The following NME5 variants were observed in gnomAD, a reference collection of about 807,000 sequenced individuals.
NME5 encodes the protein nucleoside diphosphate kinase 5.
NME5 carries 18 observed loss-of-function variants against 21.6 expected under a neutral mutation model. The ratio of observed to expected loss-of-function variants is 0.83; its 90% CI spans 0.58 to 1.24. The LOEUF is 1.24. Among genes scored for constraint, NME5 ranks in the 50% most tolerant of loss-of-function variants. The probability of loss-of-function intolerance (pLI) is 0.00; values close to 1 mark genes in which losing one functional copy is unlikely to be tolerated. For synonymous variants in NME5, 70 were observed against 80.6 expected, an observed-to-expected ratio of 0.87 and a Z score of 0.71; for missense variants, 223 against 255.4, an observed-to-expected ratio of 0.87 and a Z score of 0.86.
chr5:138,138,981 T>A (rs574252904), intron 1 of NME5, 196 bp from the exon 2 acceptor site: 10 of 479,866 alleles, frequency 2.1e-5, no homozygotes, highest in Admixed American at 8.3e-5. Context: ...ATTCCTACTA[T>A]GTCCAAATCG....
intron 4 of NME5, 45 bp from the exon 5 acceptor site, chr5:138,118,981 A>G: frequency 9.4e-7 from 1 of 1,060,624 alleles, no homozygotes; most frequent in Non-Finnish European, 1.4e-6. Flanking sequence ...ATAATGATTA[A>G]ATACTATACA....
intron 1 of NME5, 103 bp from the exon 2 acceptor site, chr5:138,138,888 T>A: frequency 9.7e-7 from 1 of 1,034,710 alleles, no homozygotes; most frequent in Non-Finnish European, 1.4e-6. Context: ...TGATTAAGAA[T>A]AGCAATAGTA....
chr5:138,120,398 G>A (rs1277445972), intron 4 of NME5, among the ~76,000 whole-genome samples: 2 of 151,796 alleles, frequency 1.3e-5, no homozygotes, highest in Non-Finnish European at 2.9e-5. Context: ...TAATTAGTCC[G>A]GCTAATTTTT....
intron 4 of NME5, 147 bp from the exon 5 acceptor site, chr5:138,119,083 G>A: frequency 3.7e-6 from 2 of 534,336 alleles, no homozygotes; most frequent in Non-Finnish European, 6.6e-6. Flanking sequence ...GGGCTGGAGT[G>A]CAATGATGCA....
At chr5:138,120,875 G>GT (rs1342827648) in intron 4 of NME5, among the ~76,000 whole-genome samples, 2 of 152,108 alleles carry the variant, frequency 1.3e-5, no homozygotes, top group African/African-American at 4.8e-5. Flanking sequence ...GAAAGTATCA[G>GT]TAAGTCAAAA....
chr5:138,121,691 G>A (rs1428854036), intron 4 of NME5, among the ~76,000 whole-genome samples: 2 of 152,044 alleles, frequency 1.3e-5, no homozygotes, highest in African/African-American at 4.8e-5. Context: ...TCTTATAATT[G>A]TGGCTTTGCA....
chr5:138,139,208 C>T (rs1325469166), intron 1 of NME5, 163 bp downstream of exon 1: 2 of 235,802 alleles, frequency 8.5e-6, no homozygotes, highest in African/African-American at 2.3e-5. Context: ...ATTACAGCGG[C>T]GGGTGAGCGG....
At chr5:138,117,683 CA>C (rs199531005) in intron 5 of NME5, among the ~76,000 whole-genome samples, 6 of 150,574 alleles carry the variant, frequency 4.0e-5, no homozygotes, top group Non-Finnish European at 8.9e-5. Flanking sequence ...AGCATGGCTA[CA>C]AAAAAAAAGA....
At chr5:138,131,216 A>C (rs1028222957) in intron 2 of NME5, among the ~76,000 whole-genome samples, 1 of 150,386 alleles carries the variant, frequency 6.6e-6, no homozygotes, top group Non-Finnish European at 1.5e-5. Flanking sequence ...AAAAAAAAAA[A>C]AAAAAAAAAA....
chr5:138,136,550 C>T (rs1751701150), intron 2 of NME5, among the ~76,000 whole-genome samples: 1 of 151,984 alleles, frequency 6.6e-6, no homozygotes, highest in African/African-American at 2.4e-5. Context: ...CTATGAGTTG[C>T]AAATCTTTTT....
rs1218950573 is a variant in NME5, at chr5:138,138,764, G to A, written c.17C>T (p.Pro6Leu). The change falls in exon 2 of 6, where the codon CCT (proline) becomes CTT (leucine). Residue 6 changes from proline (P) to leucine (L), a missense_variant. Coordinates refer to ENST00000265191, the MANE Select transcript of NME5 (RefSeq NM_003551.3). MEISMPPPQIYVEKTL... is the reference protein window; with the variant it reads MEISMLPPQIYVEKTL... ...TTTTTCTACATATATCTGAGGTGGA[G>A]GCATTGATATCTCCATTATGGCTTT... The A allele has an allele frequency of 1.2e-6, 2 of 1,610,520 alleles. No homozygotes were observed. Among genetic ancestry groups the A allele is most frequent in the Non-Finnish European group, 1.7e-6 (2 of 1,179,126 alleles).
intron 4 of NME5, chr5:138,127,820 G>C (rs1023416599): frequency 2.9e-6 from 1 of 347,282 alleles, no homozygotes; most frequent in Non-Finnish European, 4.1e-6. Flanking sequence ...TTCCTAGAGA[G>C]ACTATTTTTC....
intron 2 of NME5, chr5:138,138,446 A>G: frequency 2.2e-6 from 1 of 452,936 alleles, no homozygotes; most frequent in Non-Finnish European, 3.9e-6. Context: ...ACTTGGGGTA[A>G]AAGAGGACAG....
intron 2 of NME5, among the ~76,000 whole-genome samples, chr5:138,136,432 A>C (rs1159633160): frequency 6.6e-6 from 1 of 152,184 alleles, no homozygotes; most frequent in Admixed American, 6.5e-5. Context: ...TATTTAAAAA[A>C]TGTTTTTCCT....
chr5:138,132,719 G>A (rs1229707476), intron 2 of NME5, among the ~76,000 whole-genome samples: 2 of 152,158 alleles, frequency 1.3e-5, no homozygotes, highest in Admixed American at 6.6e-5. Flanking sequence ...TTAGGAACAC[G>A]CTTACCTAGG....
At chr5:138,131,553 TAA>T (rs1212578056) in intron 2 of NME5, among the ~76,000 whole-genome samples, 2 of 139,970 alleles carry the variant, frequency 1.4e-5, no homozygotes, top group African/African-American at 2.6e-5. Context: ...AGACTCTGTC[TAA>T]AAAAAAAAAA....
intron 2 of NME5, among the ~76,000 whole-genome samples, chr5:138,132,323 C>T (rs766528651): frequency 6.6e-6 from 1 of 152,098 alleles, no homozygotes; most frequent in African/African-American, 2.4e-5. Context: ...GCACTCCAGC[C>T]TGGGCAACAG....
intron 5 of NME5, 62 bp from the exon 6 acceptor site, chr5:138,115,826 A>G (rs1028849117): frequency 2.8e-6 from 3 of 1,090,004 alleles, no homozygotes; most frequent in Non-Finnish European, 3.9e-6. Flanking sequence ...TTCAATATAT[A>G]CTATATCAAT....
intron 5 of NME5, among the ~76,000 whole-genome samples, chr5:138,118,319 G>T (rs1257104938): frequency 6.6e-6 from 1 of 151,204 alleles, no homozygotes; most frequent in African/African-American, 2.4e-5. Context: ...TAGAGATGGG[G>T]TTTCACCGTG....
Sources: allele counts gnomAD v4.1 joint callset (sites outside exome capture counted in the v4.1 genomes callset), GRCh38; gene constraint gnomAD v4.1.1; transcripts MANE v1.5; gene names NCBI Gene and HGNC (gene_info 2026-07-23, HGNC 2026-07-21).